SMG6: variants seen among roughly 807,000 people sequenced by gnomAD.
SMG6 encodes the protein telomerase-binding protein EST1A.
A neutral mutation model predicts 142.2 loss-of-function variants in SMG6; 66 were observed. That is an observed-to-expected ratio of 0.46 (90% CI 0.38 to 0.57). The LOEUF (loss-of-function observed/expected upper bound fraction) is 0.57, where lower values mean the gene tolerates loss of function less well. Ranked by LOEUF, SMG6 falls within the 20% of genes least tolerant of loss-of-function variation. SMG6 has a pLI of 0.00. For missense variants in SMG6, 1,793 were observed against 1,832.0 expected (o/e 0.98, Z 0.39); for synonymous variants, 779 against 702.4 (o/e 1.11, Z -1.72).
intron 13 of SMG6, among the ~76,000 whole-genome samples, chr17:2,129,880 G>C (rs901841232): frequency 2.8e-5 from 4 of 144,400 alleles, no homozygotes; most frequent in African/African-American, 1.0e-4. Flanking sequence ...ATTAAAGTTA[G>C]AAACATAGAA....
intron 10 of SMG6, among the ~76,000 whole-genome samples, chr17:2,201,548 T>C (rs975126717): frequency 1.3e-5 from 2 of 149,416 alleles, no homozygotes; most frequent in Admixed American, 6.7e-5. Flanking sequence ...ACAAAAAATA[T>C]TGGGCGTGGT....
chr17:2,192,980 A>G (rs566909265), intron 10 of SMG6, among the ~76,000 whole-genome samples: 3 of 152,348 alleles, frequency 2.0e-5, no homozygotes, highest in Non-Finnish European at 4.4e-5. Context: ...CAAATTATTC[A>G]TGCACAATGG....
In SMG6 at chr17:2,238,961, C is replaced by G. The variant is rs573328483; in HGVS notation, c.2724-2324G>C. Reference sequence around the variant, plus strand: ...GAAGGTGGATCTATTCATGCAAAACCAGCCTTGTTCAGCAGTAACCACGGG... The same window carrying G: ...GAAGGTGGATCTATTCATGCAAAACGAGCCTTGTTCAGCAGTAACCACGGG... On this transcript the variant is annotated intron_variant, in intron 9 of 18. Transcript: ENST00000263073. Among the ~76,000 whole-genome samples, 122 of 150,726 alleles carry G rather than the reference C, an allele frequency of 8.1e-4. 1 individual carries two copies. The highest frequency in any genetic ancestry group is 2.9e-3 in the African/African-American group (116 of 40,126).
intron 10 of SMG6, among the ~76,000 whole-genome samples, chr17:2,221,660 A>G (rs928031370): frequency 6.6e-6 from 1 of 152,254 alleles, no homozygotes. Flanking sequence ...ACAAGGAAAG[A>G]CAGTAAGATT....
intron 10 of SMG6, among the ~76,000 whole-genome samples, chr17:2,192,622 C>G (rs2072198646): frequency 6.6e-6 from 1 of 152,206 alleles, no homozygotes; most frequent in African/African-American, 2.4e-5. Flanking sequence ...CTCCAAACTA[C>G]CACCACCTGG....
intron 10 of SMG6, among the ~76,000 whole-genome samples, chr17:2,204,630 C>T (rs1472121286): frequency 6.6e-6 from 1 of 152,188 alleles, no homozygotes; most frequent in Non-Finnish European, 1.5e-5. Context: ...GCCAGCTAGT[C>T]TCCTGACCTA....
intron 2 of SMG6, among the ~76,000 whole-genome samples, 167 bp downstream of exon 2, chr17:2,298,739 T>C (rs567126856): frequency 2.0e-5 from 3 of 148,962 alleles, no homozygotes; most frequent in Admixed American, 1.3e-4. Flanking sequence ...AAAAAAAGAC[T>C]AGAAATAAAA....
chr17:2,227,208 G>T (rs1367332945), intron 10 of SMG6, among the ~76,000 whole-genome samples: 1 of 152,170 alleles, frequency 6.6e-6, no homozygotes, highest in African/African-American at 2.4e-5. Context: ...ATATGATCCG[G>T]CAAGTCCATT....
At chr17:2,232,166 C>G (rs952468318) in intron 10 of SMG6, among the ~76,000 whole-genome samples, 1 of 151,964 alleles carries the variant, frequency 6.6e-6, no homozygotes, top group African/African-American at 2.4e-5. Flanking sequence ...GGTTTCAGTG[C>G]TCCCCTACCA....
At chr17:2,186,912 G>A in intron 11 of SMG6, 81 bp from the exon 12 acceptor site, 1 of 1,486,528 alleles carries the variant, frequency 6.7e-7, no homozygotes. Flanking sequence ...ACGGCAGCAA[G>A]CTCTTAGGGA....
At chr17:2,127,766 G>T (rs908438689) in intron 13 of SMG6, 2 of 555,292 alleles carry the variant, frequency 3.6e-6, no homozygotes, top group Non-Finnish European at 7.2e-6. Context: ...ATTTTCTCAC[G>T]TTCTGCTCTG....
chr17:2,084,064 G>A (rs1452324996), intron 14 of SMG6, among the ~76,000 whole-genome samples: 1 of 152,236 alleles, frequency 6.6e-6, no homozygotes, highest in Admixed American at 6.5e-5. Context: ...TGTGAGGGCA[G>A]AGAAGGCCTT....
chr17:2,128,578 C>T (rs971250294), intron 13 of SMG6, among the ~76,000 whole-genome samples: 1 of 152,124 alleles, frequency 6.6e-6, no homozygotes, highest in African/African-American at 2.4e-5. Flanking sequence ...ACAGCCTCTC[C>T]AAGCATTGTA....
At position 2,083,412 on chromosome 17, in the gene SMG6, T is replaced by A. The variant is rs145012635; in HGVS notation, c.3535-1456A>T. On this transcript the variant is annotated intron_variant, in intron 14 of 18. Coordinates refer to ENST00000263073, the MANE Select transcript of SMG6 (RefSeq NM_017575.5). ...ACTGTGTTCTATTCACAAAGAACTA[T>A]GTCTGAAGAAACACCTTTCCCTACC... Among the ~76,000 whole-genome samples the A allele has an allele frequency of 3.2e-3, 490 of 152,286 alleles. 4 individuals are homozygous for A. Among genetic ancestry groups the A allele is most frequent in the African/African-American group, 9.4e-3 (391 of 41,558 alleles).
At chr17:2,264,128 C>T (rs1400269383) in intron 8 of SMG6, among the ~76,000 whole-genome samples, 1 of 152,084 alleles carries the variant, frequency 6.6e-6, no homozygotes, top group African/African-American at 2.4e-5. Flanking sequence ...GCAGATTGAA[C>T]AAGGATCCAA....
intron 13 of SMG6, among the ~76,000 whole-genome samples, chr17:2,146,205 A>G (rs532730448): frequency 1.3e-5 from 2 of 152,384 alleles, no homozygotes; most frequent in Non-Finnish European, 2.9e-5. Context: ...TGTCTGGCAC[A>G]TGCTAAGTGG....
Position 2,303,774 on chromosome 17 carries a change from G to C in SMG6, c.-54C>G. 1 of 1,435,406 alleles carries C rather than the reference G, an allele frequency of 7.0e-7. No homozygotes were observed. Among genetic ancestry groups the C allele is most frequent in the Non-Finnish European group, 9.2e-7 (1 of 1,081,478 alleles). The allele number at this position is 1,435,406 out of a possible 1,614,324, so 88.9% of individuals were successfully genotyped here. ...GCTCCGCCACCGCCGCGCGCAGCCA[G>C]GAAACCACCACAGACGGGCGGCGCG... On this transcript the variant is annotated 5_prime_UTR_variant, in exon 1 of 19. Transcript: ENST00000263073.
intron 13 of SMG6, among the ~76,000 whole-genome samples, chr17:2,120,439 C>A (rs948836117): frequency 6.6e-6 from 1 of 152,176 alleles, no homozygotes; most frequent in Admixed American, 6.6e-5. Context: ...AAAAAGTATA[C>A]AACTTCAGCT....
chr17:2,277,529 C>T (rs8065650), intron 8 of SMG6, among the ~76,000 whole-genome samples: 64,851 of 151,948 alleles, frequency 0.43, 15,105 homozygotes, highest in African/African-American at 0.62. Flanking sequence ...AATCAGGCTC[C>T]TATCTTTTTC....
Sources: allele counts gnomAD v4.1 joint callset (sites outside exome capture counted in the v4.1 genomes callset), GRCh38; gene constraint gnomAD v4.1.1; transcripts MANE v1.5; gene names NCBI Gene and HGNC (gene_info 2026-07-23, HGNC 2026-07-21).